The following EMC7 variants were observed in gnomAD, a reference collection of about 807,000 sequenced individuals.
EMC7 encodes ER membrane protein complex subunit 7.
EMC7 carries 4 observed loss-of-function variants against 24.4 expected under a neutral mutation model. That is an observed-to-expected ratio of 0.16 (90% CI 0.08 to 0.38). The LOEUF is 0.38. Among genes scored for constraint, EMC7 ranks in the 10% least tolerant of loss-of-function variants. The pLI, the probability that EMC7 is intolerant of heterozygous loss-of-function variation, is 1.00. For missense variants in EMC7, 221 were observed against 300.6 expected (o/e 0.74, Z 1.96); for synonymous variants, 106 against 112.0 (o/e 0.95, Z 0.34).
At chr15:34,098,195 T>C (rs1428933609) in intron 1 of EMC7, among the ~76,000 whole-genome samples, 1 of 152,124 alleles carries the variant, frequency 6.6e-6, no homozygotes, top group African/African-American at 2.4e-5. Context: ...ACTGGCTGTG[T>C]TAAGGGACTG....
At chr15:34,092,543 TCA>T (rs1363223341) in intron 2 of EMC7, among the ~76,000 whole-genome samples, 5 of 151,952 alleles carry the variant, frequency 3.3e-5, no homozygotes, top group Non-Finnish European at 7.4e-5. Context: ...GAGATGGGGT[TCA>T]TCATGTTGGT....
At chr15:34,089,006 G>C (rs969296381) in intron 3 of EMC7, among the ~76,000 whole-genome samples, 2 of 151,920 alleles carry the variant, frequency 1.3e-5, no homozygotes, top group Admixed American at 6.6e-5. Context: ...ACAGGTCCCC[G>C]CCACCACACC....
chr15:34,089,908 A>G (rs577974889), intron 3 of EMC7, among the ~76,000 whole-genome samples: 54 of 152,324 alleles, frequency 3.5e-4, no homozygotes, highest in African/African-American at 1.3e-3. Flanking sequence ...GTGAGCCGAG[A>G]TCGCACCATT....
Position 34,096,027 on chromosome 15 carries a change from A to C in EMC7, c.237-13T>G. On this transcript the variant is annotated splice_polypyrimidine_tract_variant and intron_variant, in intron 1 of 4. Coordinates refer to ENST00000256545, the MANE Select transcript of EMC7 (RefSeq NM_020154.3). Reference sequence around the variant, plus strand: ...ACTCCCATCTGTCCTGGAAAAATGAAAATCATGTTTAGCTACTACTGATCA... The same window carrying C: ...ACTCCCATCTGTCCTGGAAAAATGACAATCATGTTTAGCTACTACTGATCA... 1 of 1,544,216 alleles carries C rather than the reference A, an allele frequency of 6.5e-7. No individual in the cohort carries two copies. The highest frequency in any genetic ancestry group is 1.2e-5 in the South Asian group (1 of 81,264).
chr15:34,101,484 G>T, intron 1 of EMC7, 120 bp downstream of exon 1: 1 of 1,048,064 alleles, frequency 9.5e-7, no homozygotes, highest in South Asian at 1.5e-5. Context: ...GACCGTTAGC[G>T]GCACCCTCCC....
chr15:34,090,930 C>T (rs1247701464), intron 2 of EMC7, among the ~76,000 whole-genome samples: 2 of 152,184 alleles, frequency 1.3e-5, no homozygotes, highest in Non-Finnish European at 2.9e-5. Flanking sequence ...CAAGAAAGCA[C>T]TGCAGCAGTG....
At chr15:34,090,182 T>G (rs1403051236) in intron 3 of EMC7, 135 bp downstream of exon 3, 10 of 831,600 alleles carry the variant, frequency 1.2e-5, no homozygotes, top group Non-Finnish European at 1.8e-5. Flanking sequence ...TCTTCTGAAA[T>G]CTGCAAATTA....
At chr15:34,086,833 G>C (rs1202603985) in intron 4 of EMC7, among the ~76,000 whole-genome samples, 1 of 152,246 alleles carries the variant, frequency 6.6e-6, no homozygotes, top group African/African-American at 2.4e-5. Context: ...ATTACTTTCA[G>C]TCTAACACTG....
intron 2 of EMC7, among the ~76,000 whole-genome samples, chr15:34,092,117 T>C (rs1339633585): frequency 6.6e-6 from 1 of 151,726 alleles, no homozygotes; most frequent in Non-Finnish European, 1.5e-5. Context: ...ATACAAAAAT[T>C]AGCCAGGCAT....
chr15:34,096,778 G>A (rs953259344), intron 1 of EMC7, among the ~76,000 whole-genome samples: 1 of 151,694 alleles, frequency 6.6e-6, no homozygotes, highest in African/African-American at 2.4e-5. Flanking sequence ...ACCTGAGGTT[G>A]GGAGTTAGAG....
intron 2 of EMC7, among the ~76,000 whole-genome samples, chr15:34,093,803 A>ACACG (rs1555523291): frequency 9.7e-5 from 3 of 31,056 alleles, no homozygotes; most frequent in Non-Finnish European, 1.9e-4. Context: ...ACACACACAC[A>ACACG]CACATATATA....
chr15:34,098,544 C>T (rs769891025), intron 1 of EMC7, among the ~76,000 whole-genome samples: 4 of 151,184 alleles, frequency 2.6e-5, no homozygotes, highest in Non-Finnish European at 4.4e-5. Context: ...CAACCTCCGC[C>T]TCCTGGGTTT....
chr15:34,086,355 C>A, intron 4 of EMC7: 1 of 208,632 alleles, frequency 4.8e-6, no homozygotes, highest in South Asian at 7.9e-5. Flanking sequence ...CAGGCAGTGC[C>A]AAGGAAGAGA....
chr15:34,095,882 CA>C lies in EMC7; in HGVS notation c.356+12del. The stretch of plus-strand genomic sequence containing the variant: ...GCCTAGCTTTTGGCAAAAATTAAAT[CA>C]GGTGCCCTCACCTCATTTTTCCTTT... On this transcript the variant is annotated intron_variant, in intron 2 of 4. Coordinates refer to ENST00000256545, the MANE Select transcript of EMC7 (RefSeq NM_020154.3). 1.3e-6 allele frequency: 2 copies of C among 1,589,946 alleles called. No homozygotes were observed. Among genetic ancestry groups the C allele is most frequent in the Non-Finnish European group, 1.7e-6 (2 of 1,163,048 alleles).
At chr15:34,085,498 C>CT (rs879880058) in intron 4 of EMC7, among the ~76,000 whole-genome samples, 176 of 144,968 alleles carry the variant, frequency 1.2e-3, no homozygotes, top group African/African-American at 3.3e-3. Context: ...TTTTTCTTTT[C>CT]TTTTTTTTTT....
rs952295111 is a variant in EMC7, at chr15:34,095,917, T to C, written c.334A>G (p.Ile112Val). 8.1e-6 allele frequency: 13 copies of C among 1,608,846 alleles called. No individual in the cohort carries two copies. The highest frequency in any genetic ancestry group is 2.2e-5 in the East Asian group (1 of 44,822). Residue 112 changes from isoleucine to valine, a missense_variant, in exon 2 of 5, where the codon ATC becomes GTC. Coordinates refer to ENST00000256545, the MANE Select transcript of EMC7 (RefSeq NM_020154.3). The stretch of plus-strand genomic sequence containing the variant: ...CACCTCATTTTTCCTTTCGAAGTGA[T>C]ATCCACTCGAACGGGATCAAATCTG... ...AYRFDPVRVDITSKGKMRARY... is the reference protein window; with the variant it reads ...AYRFDPVRVDVTSKGKMRARY...
chr15:34,100,448 T>C (rs1214515376), intron 1 of EMC7, among the ~76,000 whole-genome samples: 2 of 152,240 alleles, frequency 1.3e-5, no homozygotes, highest in Non-Finnish European at 2.9e-5. Context: ...AAGAACTGTA[T>C]ACAGAAGAGT....
intron 4 of EMC7, chr15:34,086,307 G>C (rs761396747): frequency 4.0e-5 from 10 of 247,482 alleles, no homozygotes; most frequent in Admixed American, 1.2e-4. Context: ...GGATCTGAGG[G>C]CAGCCATGAT....
At chr15:34,093,630 A>C (rs1901012755) in intron 2 of EMC7, among the ~76,000 whole-genome samples, 1 of 150,660 alleles carries the variant, frequency 6.6e-6, no homozygotes, top group South Asian at 2.1e-4. Context: ...CAATATAAAA[A>C]AAATGTTTAA....
Sources: gnomAD v4.1 joint callset for allele counts (sites outside exome capture counted in the v4.1 genomes callset) on GRCh38, gnomAD v4.1.1 for gene constraint, MANE v1.5 for transcripts, NCBI Gene and HGNC (gene_info 2026-07-23, HGNC 2026-07-21) for gene names.